The following IL20 variants were observed in gnomAD, a reference collection of about 807,000 sequenced individuals.
IL20 encodes interleukin-20.
A neutral mutation model predicts 19.2 loss-of-function variants in IL20; 22 were observed. The observed-to-expected ratio is 1.15, with a 90% CI of 0.82 to 1.64. The LOEUF (loss-of-function observed/expected upper bound fraction) is 1.64, where lower values mean the gene tolerates loss of function less well. IL20 is among the 40% of genes most tolerant of loss of function. The probability of loss-of-function intolerance (pLI) is 0.00; values close to 1 mark genes in which losing one functional copy is unlikely to be tolerated. For synonymous variants in IL20, 70 were observed against 76.2 expected (o/e 0.92, Z 0.43); for missense variants, 215 against 212.8 (o/e 1.01, Z -0.06).
upstream of IL20, among the ~76,000 whole-genome samples, chr1:206,864,691 G>A (rs1677498472): frequency 6.6e-6 from 1 of 151,992 alleles, no homozygotes; most frequent in Admixed American, 6.6e-5. Flanking sequence ...TGTGAATAGT[G>A]GTACAAATTT....
intron 5 of IL20, 108 bp downstream of exon 5, chr1:206,867,566 T>C: frequency 1.1e-6 from 1 of 927,188 alleles, no homozygotes; most frequent in Non-Finnish European, 1.7e-6. Context: ...TTCAGGTTCA[T>C]AGCCCTCTGA....
At position 206,868,471 on chromosome 1, in the gene IL20, T is replaced by C; in HGVS notation, c.454-16T>C. 6.3e-7 allele frequency: 1 copy of C among 1,576,778 alleles called. No individual in the cohort carries two copies. The highest frequency in any genetic ancestry group is 1.8e-5 in the Admixed American group (1 of 55,846). ...TCTCATGAATTGCTAACCACATGGG[T>C]GTGTGTCTCTTTCAGCTGGAACCTC... On this transcript the variant is annotated splice_polypyrimidine_tract_variant and intron_variant, in intron 5 of 5. Coordinates refer to ENST00000367098, the MANE Select transcript of IL20 (RefSeq NM_018724.4).
At position 206,866,303 on chromosome 1, in the gene IL20, C is replaced by A; in HGVS notation, c.164C>A (p.Ala55Asp). The stretch of plus-strand genomic sequence containing the variant: ...GTTTTGTCTTCTTCTGTTTAGCAAG[C>A]CAAAGATGGAAACATTGACATCAGA... ...GFSEIRGSVQ[A>D]KDGNIDIRIL... Residue 55 changes from alanine to aspartate, a missense_variant, in exon 3 of 6, where the codon GCC (alanine) becomes GAC (aspartate). Coordinates refer to ENST00000367098, the MANE Select transcript of IL20 (RefSeq NM_018724.4). 3.1e-6 allele frequency: 5 copies of A among 1,613,988 alleles called. No homozygotes were observed. Among genetic ancestry groups the A allele is most frequent in the Non-Finnish European group, 3.4e-6 (4 of 1,179,944 alleles).
In IL20 at chr1:206,866,332, T is replaced by C. The variant is rs1475921659; in HGVS notation, c.193T>C (p.Leu65=). 1.2e-6 allele frequency: 2 copies of C among 1,614,102 alleles called. No homozygotes were observed. The highest frequency in any genetic ancestry group is 1.7e-6 in the Non-Finnish European group (2 of 1,180,002). The change falls in exon 3 of 6, where the codon TTA becomes CTA. Residue 65 remains leucine, a synonymous_variant. Coordinates refer to ENST00000367098, the MANE Select transcript of IL20 (RefSeq NM_018724.4). The part of the protein sequence containing the change: ...AKDGNIDIRI[L]RRTESLQDTK... ...AGATGGAAACATTGACATCAGAATC[T>C]TAAGGAGGACTGAGTCTTTGCAAGA... is the stretch of plus-strand genomic sequence containing the variant.
intron 4 of IL20, 56 bp downstream of exon 4, chr1:206,866,692 A>C: frequency 5.9e-6 from 9 of 1,525,536 alleles, no homozygotes; most frequent in Non-Finnish European, 7.2e-6. Context: ...TCAATGGCTT[A>C]GCAACTAAAC....
Position 206,866,559 on chromosome 1 carries a change from CCT to C in IL20, c.302_303del (p.Pro101ArgfsTer49), listed in dbSNP as rs754290740. 2 of 1,614,086 alleles carry C rather than the reference CCT, an allele frequency of 1.2e-6. No homozygotes were observed. Among genetic ancestry groups the C allele is most frequent in the South Asian group, 2.2e-5 (2 of 91,076 alleles). On this transcript the variant is annotated frameshift_variant, in exon 4 of 6. Transcript: ENST00000367098. LOFTEE classifies it high-confidence loss of function. Reference protein sequence around the residue: ...LDRVFKNYQTPDHYTLRKISS... With the variant: ...LDRVFKNYQTXDHYTLRKISS... ...CAGGGTATTTAAAAACTACCAGACC[CCT>C]GACCATTATACTCTCCGGAAGATCA...
At position 206,865,938 on chromosome 1, in the gene IL20, A is replaced by G. The variant is rs925757175; in HGVS notation, c.86A>G (p.Asn29Ser). Residue 29 changes from asparagine to serine, a missense_variant, in exon 2 of 6, where the codon AAT becomes AGT. By Grantham distance (46) the Asn-to-Ser change is conservative (BLOSUM62 1). Coordinates refer to ENST00000367098, the MANE Select transcript of IL20 (RefSeq NM_018724.4). This position sits in a 1 kb window ranked among gnomAD's most constrained non-coding sequence, Gnocchi z 4.1. ...WTPSTGLKTL[N>S]LGSCVIATNL... The stretch of plus-strand genomic sequence containing the variant: ...CCTTCCACTGGACTGAAGACACTCA[A>G]TTTGGGAAGCTGTGTGATCGCCACA... 6.2e-6 allele frequency: 10 copies of G among 1,614,062 alleles called. No individual in the cohort carries two copies. Among genetic ancestry groups the G allele is most frequent in the Non-Finnish European group, 8.5e-6 (10 of 1,179,986 alleles).
At position 206,865,652 on chromosome 1, in the gene IL20, T is replaced by C. The variant is rs1677523161; in HGVS notation, c.-65T>C. The C allele has an allele frequency of 2.2e-6, 3 of 1,375,508 alleles. No individual in the cohort carries two copies. Among genetic ancestry groups the C allele is most frequent in the Non-Finnish European group, 2.8e-6 (3 of 1,064,528 alleles). 85.2% of individuals were successfully genotyped at this position (1,375,508 alleles called of 1,614,324 possible). On this transcript the variant is annotated 5_prime_UTR_variant, in exon 1 of 6. Coordinates refer to ENST00000367098, the MANE Select transcript of IL20 (RefSeq NM_018724.4). This position sits in a 1 kb window ranked among gnomAD's most constrained non-coding sequence, Gnocchi z 4.1. Reference sequence around the variant, plus strand: ...TCAGACTCTGAACTCAGACCTGAAATCTTCTCTTCACGGGAGGCTTGGCAG... The same window carrying C: ...TCAGACTCTGAACTCAGACCTGAAACCTTCTCTTCACGGGAGGCTTGGCAG...
At position 206,869,033 on chromosome 1, in the gene IL20, G is replaced by A. The variant is rs1677641067; in HGVS notation, c.*469G>A. ...ATTTACTCATGCTGATGCTCTGTGA[G>A]ATATTTGAAATTGAACCAATGACTA... On this transcript the variant is annotated 3_prime_UTR_variant, in exon 6 of 6. Transcript: ENST00000367098. 1 of 152,140 alleles carries A rather than the reference G, an allele frequency of 6.6e-6. No homozygotes were observed. Among genetic ancestry groups the A allele is most frequent in the Non-Finnish European group, 1.5e-5 (1 of 68,016 alleles). The allele number at this position is 152,140 out of a possible 1,614,324, so 9.4% of individuals were successfully genotyped here.
chr1:206,866,679 G>C (rs1336602077), intron 4 of IL20, 43 bp downstream of exon 4: 1 of 1,573,222 alleles, frequency 6.4e-7, no homozygotes, highest in Non-Finnish European at 8.7e-7. Flanking sequence ...TCAGCACACA[G>C]CTTCAATGGC....
intron 2 of IL20, 106 bp from the exon 3 acceptor site, chr1:206,866,193 C>A: frequency 8.1e-7 from 1 of 1,238,264 alleles, no homozygotes; most frequent in Non-Finnish European, 1.2e-6. Flanking sequence ...TGGGAAAGGA[C>A]ACCTCCCACT....
chr1:206,865,004 C>T (rs1212359984), upstream of IL20, among the ~76,000 whole-genome samples: 3 of 152,210 alleles, frequency 2.0e-5, no homozygotes, highest in African/African-American at 7.2e-5. The surrounding 1 kb of genome is among the most constrained non-coding windows in gnomAD (Gnocchi z 4.1). Context: ...TGCCTTTCTT[C>T]TCTGACTTTT....
In IL20 at chr1:206,868,472, G is replaced by T; in HGVS notation, c.454-15G>T. ...CTCATGAATTGCTAACCACATGGGT[G>T]TGTGTCTCTTTCAGCTGGAACCTCA... is the stretch of plus-strand genomic sequence containing the variant. On this transcript the variant is annotated splice_polypyrimidine_tract_variant and intron_variant, in intron 5 of 5. Coordinates refer to ENST00000367098, the MANE Select transcript of IL20 (RefSeq NM_018724.4). 2 of 1,579,862 alleles carry T rather than the reference G, an allele frequency of 1.3e-6. No homozygotes were observed. The highest frequency in any genetic ancestry group is 2.3e-5 in the South Asian group (2 of 86,220).
At chr1:206,866,215 G>T in intron 2 of IL20, 84 bp from the exon 3 acceptor site, 1 of 1,352,884 alleles carries the variant, frequency 7.4e-7, no homozygotes, top group South Asian at 1.2e-5. Flanking sequence ...GTTCTTGGCA[G>T]GGAGTGGATG....
rs534904555 is a variant in IL20 at position 206,865,695 on chromosome 1, C to T, written c.-31+9C>T. ...CTTGGCAGTTTTTCTTAGTAAGTTG[C>T]GTGGATGGGCCACACTGTCTGAGGC... On this transcript the variant is annotated intron_variant, in intron 1 of 5. Transcript: ENST00000367098. The surrounding 1 kb of genome is among the most constrained non-coding windows in gnomAD (Gnocchi z 4.1). 55 of 1,393,638 alleles carry T rather than the reference C, an allele frequency of 3.9e-5. 1 individual carries two copies. In the East Asian group the frequency reaches 4.0e-4, roughly 10 times the overall value. The allele number at this position is 1,393,638 out of a possible 1,614,324, so 86.3% of individuals were successfully genotyped here. A position where few individuals can be genotyped will look rare whatever the true frequency, so the allele number is the denominator to read the frequency against.
Position 206,868,698 on chromosome 1 carries a change from T to G in IL20, c.*134T>G. ...TGTGCTGGTCACAGTGTATCTTATT[T>G]ATGCATTACTTGCTTCCTTGCATGA... On this transcript the variant is annotated 3_prime_UTR_variant, in exon 6 of 6. Coordinates refer to ENST00000367098, the MANE Select transcript of IL20 (RefSeq NM_018724.4). The G allele has an allele frequency of 4.4e-6, 2 of 452,938 alleles. No homozygotes were observed. Among genetic ancestry groups the G allele is most frequent in the South Asian group, 1.7e-4 (2 of 12,090 alleles). The allele number at this position is 452,938 out of a possible 1,614,324, so 28.1% of individuals were successfully genotyped here. A position where few individuals can be genotyped will look rare whatever the true frequency, so the allele number is the denominator to read the frequency against.
chr1:206,869,069 G>A lies in IL20; in HGVS notation c.*505G>A, dbSNP rs952763079. 2.0e-5 allele frequency: 3 copies of A among 152,234 alleles called. No individual in the cohort carries two copies. The highest frequency in any genetic ancestry group is 4.4e-5 in the Non-Finnish European group (3 of 68,042). 9.4% of individuals were successfully genotyped at this position (152,234 alleles called of 1,614,324 possible). A position where few individuals can be genotyped will look rare whatever the true frequency, so the allele number is the denominator to read the frequency against. On this transcript the variant is annotated 3_prime_UTR_variant, in exon 6 of 6. Transcript: ENST00000367098. The stretch of plus-strand genomic sequence containing the variant: ...TTGAACCAATGACTACTTAGGATGG[G>A]TTGTGGAATAAGTTTTGATGTGGAA...
Position 206,865,663 on chromosome 1 carries a change from C to T in IL20, c.-54C>T. The T allele has an allele frequency of 2.9e-6, 4 of 1,385,096 alleles. No individual in the cohort carries two copies. The highest frequency in any genetic ancestry group is 3.7e-6 in the Non-Finnish European group (4 of 1,070,426). 85.8% of individuals were successfully genotyped at this position (1,385,096 alleles called of 1,614,324 possible). ...ACTCAGACCTGAAATCTTCTCTTCA[C>T]GGGAGGCTTGGCAGTTTTTCTTAGT... On this transcript the variant is annotated 5_prime_UTR_variant, in exon 1 of 6. The change creates a new upstream start codon in the 5' untranslated region. Transcript: ENST00000367098. The surrounding 1 kb of genome is among the most constrained non-coding windows in gnomAD (Gnocchi z 4.1).
rs1424302049 is a variant in IL20 at position 206,869,017 on chromosome 1, T to G, written c.*453T>G. ...ATTCAACTAAGGACATATTTACTCA[T>G]GCTGATGCTCTGTGAGATATTTGAA... On this transcript the variant is annotated 3_prime_UTR_variant, in exon 6 of 6. Coordinates refer to ENST00000367098, the MANE Select transcript of IL20 (RefSeq NM_018724.4). The G allele has an allele frequency of 1.3e-5, 2 of 152,180 alleles. No individual in the cohort carries two copies. The highest frequency in any genetic ancestry group is 2.9e-5 in the Non-Finnish European group (2 of 68,032). The allele number at this position is 152,180 out of a possible 1,614,324, so 9.4% of individuals were successfully genotyped here. A position where few individuals can be genotyped will look rare whatever the true frequency, so the allele number is the denominator to read the frequency against.
Sources: gnomAD v4.1 joint callset for allele counts (sites outside exome capture counted in the v4.1 genomes callset) on GRCh38, gnomAD v4.1.1 for gene constraint, Gnocchi (gnomAD v3.1) non-coding constraint, MANE v1.5 for transcripts, NCBI Gene and HGNC (gene_info 2026-07-23, HGNC 2026-07-21) for gene names.